The following FOXN3 variants were observed in gnomAD, a reference collection of about 807,000 sequenced individuals.
The protein encoded by FOXN3 is forkhead box protein N3.
FOXN3 carries 7 observed loss-of-function variants against 38.4 expected under a neutral mutation model. That is an observed-to-expected ratio of 0.18 (90% CI 0.10 to 0.34). The LOEUF is 0.34. Among genes scored for constraint, FOXN3 ranks in the 10% least tolerant of loss-of-function variants. The probability of loss-of-function intolerance (pLI) is 1.00; values close to 1 mark genes in which losing one functional copy is unlikely to be tolerated. For missense variants in FOXN3, 456 were observed against 613.4 expected (o/e 0.74, Z 2.71); for synonymous variants, 230 against 242.2 (o/e 0.95, Z 0.47).
At chr14:89,578,466 CCT>C (rs1895678807) in intron 1 of FOXN3, among the ~76,000 whole-genome samples, 1 of 152,276 alleles carries the variant, frequency 6.6e-6, no homozygotes, top group Admixed American at 6.5e-5. Flanking sequence ...TGACTCTCCC[CCT>C]GAGCTCCAGA....
intron 3 of FOXN3, among the ~76,000 whole-genome samples, chr14:89,343,448 T>G (rs1371925904): frequency 2.0e-5 from 3 of 150,678 alleles, no homozygotes; most frequent in African/African-American, 7.4e-5. Context: ...CTGTACAATT[T>G]CTATACCCTT....
chr14:89,303,043 C>T (rs777939328), intron 3 of FOXN3, among the ~76,000 whole-genome samples: 23 of 152,206 alleles, frequency 1.5e-4, no homozygotes, highest in Admixed American at 6.5e-4. Context: ...CTCAAAATGA[C>T]TCCTGGCTCC....
rs1886392034 is a variant in FOXN3 at position 89,279,330 on chromosome 14, ATC to A, written c.745+1618_745+1619del. Among the ~76,000 whole-genome samples, 3 of 152,232 alleles carry A rather than the reference ATC, an allele frequency of 2.0e-5. No individual in the cohort carries two copies. The South Asian group carries it at 6.2e-4, about 32-fold the overall frequency. On this transcript the variant is annotated intron_variant, in intron 4 of 5. Coordinates refer to ENST00000557258, the MANE Select transcript of FOXN3 (RefSeq NM_005197.4). ...ACCCGCAGGATAATCTCATACTGAC[ATC>A]TCTCAACTTCAGAAACCTTATCAAT...
intron 5 of FOXN3, among the ~76,000 whole-genome samples, chr14:89,174,867 G>T (rs1382610115): frequency 2.0e-5 from 3 of 152,082 alleles, no homozygotes; most frequent in African/African-American, 7.2e-5. Context: ...ACTGAGTTTT[G>T]TAATTGCCTT....
intron 2 of FOXN3, chr14:89,364,268 A>C (rs1890061258): frequency 6.6e-6 from 1 of 150,768 alleles, no homozygotes; most frequent in African/African-American, 2.4e-5. Context: ...AAAAGAAAAA[A>C]AAAAGATTGC....
At chr14:89,277,411 AG>A (rs202194267) in intron 4 of FOXN3, among the ~76,000 whole-genome samples, 455 of 152,314 alleles carry the variant, frequency 3.0e-3, no homozygotes, top group African/African-American at 9.9e-3. Flanking sequence ...CAAGAATTGA[AG>A]TGCTCTCTAG....
rs960098123 is a variant in FOXN3 at position 89,531,011 on chromosome 14, TATA to T, written c.-15+88014_-15+88016del. On this transcript the variant is annotated intron_variant, in intron 1 of 6. Coordinates refer to the FOXN3 transcript ENST00000345097. Reference sequence around the variant, plus strand: ...TCTACACATATATAATATATATACATATAATATCTACACATATATAATATATAC... The same window carrying T: ...TCTACACATATATAATATATATACATATATCTACACATATATAATATATAC... 2.4e-3 allele frequency among the ~76,000 whole-genome samples: 345 copies of T among 144,304 alleles called. 1 individual carries two copies. Among genetic ancestry groups the T allele is most frequent in the African/African-American group, 8.5e-3 (317 of 37,464 alleles). 94.7% of individuals were successfully genotyped at this position (144,304 alleles called of 152,430 possible).
At chr14:89,383,517 G>T (rs917511558) in intron 2 of FOXN3, among the ~76,000 whole-genome samples, 1 of 152,200 alleles carries the variant, frequency 6.6e-6, no homozygotes, top group African/African-American at 2.4e-5. Flanking sequence ...TCACAGACCA[G>T]AAGTGTGAAA....
At chr14:89,510,909 C>CCAGG (rs1894043268) in intron 1 of FOXN3, among the ~76,000 whole-genome samples, 4 of 152,180 alleles carry the variant, frequency 2.6e-5, no homozygotes, top group Non-Finnish European at 5.9e-5. Context: ...CACCACTGCA[C>CCAGG]TCCAGCCTGG....
intron 1 of FOXN3, among the ~76,000 whole-genome samples, chr14:89,494,755 T>C (rs1893644808): frequency 6.6e-6 from 1 of 152,220 alleles, no homozygotes; most frequent in South Asian, 2.1e-4. Context: ...ATAAACCCAA[T>C]AGTTTTAATT....
At chr14:89,497,532 C>T (rs1596297637) in intron 1 of FOXN3, among the ~76,000 whole-genome samples, 1 of 151,482 alleles carries the variant, frequency 6.6e-6, no homozygotes. Context: ...TCAGCCTCCC[C>T]AGTAGCTAGG....
chr14:89,463,541 A>G (rs1362251637), intron 1 of FOXN3, among the ~76,000 whole-genome samples: 1 of 152,176 alleles, frequency 6.6e-6, no homozygotes, highest in Admixed American at 6.5e-5. Context: ...TTCCTAGCCA[A>G]GTACACTGGG....
intron 4 of FOXN3, among the ~76,000 whole-genome samples, chr14:89,189,510 C>T (rs1887891664): frequency 6.6e-6 from 1 of 152,208 alleles, no homozygotes; most frequent in South Asian, 2.1e-4. Flanking sequence ...CAGCAATGTC[C>T]TAACAACAAG....
chr14:89,401,653 C>A, intron 2 of FOXN3: 1 of 455,950 alleles, frequency 2.2e-6, no homozygotes, highest in Non-Finnish European at 4.4e-6. Flanking sequence ...TTAGAGTCAG[C>A]GCTCACATGA....
intron 3 of FOXN3, among the ~76,000 whole-genome samples, chr14:89,309,235 C>A (rs1249171590): frequency 6.6e-6 from 1 of 152,118 alleles, no homozygotes; most frequent in East Asian, 1.9e-4. Flanking sequence ...CACCCTGCAG[C>A]CACTTTGGAT....
chr14:89,571,519 AAAAAG>A (rs1344064465), intron 1 of FOXN3, among the ~76,000 whole-genome samples: 2 of 152,066 alleles, frequency 1.3e-5, no homozygotes, highest in African/African-American at 2.4e-5. Flanking sequence ...ACAAAAAAAA[AAAAAG>A]AAAAGTGACA....
intron 1 of FOXN3, among the ~76,000 whole-genome samples, chr14:89,524,608 CA>C (rs1566686477): frequency 6.6e-6 from 1 of 151,384 alleles, no homozygotes; most frequent in Admixed American, 6.6e-5. Flanking sequence ...TGACAAATAT[CA>C]GGAAAGAAAG....
At chr14:89,569,917 A>G (rs899885105) in intron 1 of FOXN3, among the ~76,000 whole-genome samples, 2 of 152,088 alleles carry the variant, frequency 1.3e-5, no homozygotes, top group Admixed American at 1.3e-4. Context: ...CTTTCTCAAG[A>G]GCTGAGTCCA....
intron 1 of FOXN3, among the ~76,000 whole-genome samples, chr14:89,609,993 T>C (rs1009040946): frequency 7.2e-5 from 11 of 152,122 alleles, no homozygotes; most frequent in African/African-American, 2.7e-4. Context: ...TATGGATAAT[T>C]TCTGCCTAAA....
Sources: allele counts gnomAD v4.1 joint callset (sites outside exome capture counted in the v4.1 genomes callset), GRCh38; gene constraint gnomAD v4.1.1; transcripts MANE v1.5; gene names NCBI Gene and HGNC (gene_info 2026-07-23, HGNC 2026-07-21).